Variants in WWC1 observed in about 807,000 individuals in gnomAD.
The protein encoded by WWC1 is protein KIBRA.
A neutral mutation model predicts 138.4 loss-of-function variants in WWC1; 55 were observed. The observed-to-expected ratio is 0.40, with a 90% CI of 0.32 to 0.50. WWC1 has a LOEUF of 0.50. Ranked by LOEUF, WWC1 falls within the 20% of genes least tolerant of loss-of-function variation. WWC1 has a pLI of 0.72. For missense variants in WWC1, 1,226 were observed against 1,420.4 expected (o/e 0.86, Z 2.20); for synonymous variants, 524 against 564.9 (o/e 0.93, Z 1.03).
At chr5:168,403,732 G>A (rs1443749257) in intron 5 of WWC1, among the ~76,000 whole-genome samples, 2 of 152,116 alleles carry the variant, frequency 1.3e-5, no homozygotes, top group Admixed American at 6.5e-5. Context: ...GCCGTGCCCA[G>A]GCAGGAGGTG....
At chr5:168,301,946 G>A (rs1426868878) in intron 1 of WWC1, among the ~76,000 whole-genome samples, 1 of 152,144 alleles carries the variant, frequency 6.6e-6, no homozygotes, top group African/African-American at 2.4e-5. Context: ...CACCTTGGCA[G>A]CACTCATTAT....
intron 17 of WWC1, among the ~76,000 whole-genome samples, chr5:168,448,287 G>T (rs1043069409): frequency 6.6e-6 from 1 of 152,114 alleles, no homozygotes; most frequent in Non-Finnish European, 1.5e-5. Flanking sequence ...AAGGCTGTCC[G>T]TCTGTTCCAA....
At chr5:168,444,667 A>G in intron 17 of WWC1, 82 bp downstream of exon 17, 2 of 1,475,232 alleles carry the variant, frequency 1.4e-6, no homozygotes, top group Non-Finnish European at 9.4e-7. Context: ...TGCCAGTGCA[A>G]CTAAGAGAAG....
At chr5:168,355,804 T>G in intron 1 of WWC1, among the ~76,000 whole-genome samples, 1 of 150,436 alleles carries the variant, frequency 6.6e-6, no homozygotes, top group South Asian at 2.1e-4. Flanking sequence ...GGTAAGGGAG[T>G]GAACAGGAAG....
intron 17 of WWC1, among the ~76,000 whole-genome samples, chr5:168,447,341 G>A (rs1275706978): frequency 6.6e-6 from 1 of 152,094 alleles, no homozygotes; most frequent in Non-Finnish European, 1.5e-5. Flanking sequence ...TTCTGGAGAG[G>A]GCCAGATGGT....
At chr5:168,307,474 T>C (rs2152745698) in intron 1 of WWC1, among the ~76,000 whole-genome samples, 1 of 152,144 alleles carries the variant, frequency 6.6e-6, no homozygotes, top group Non-Finnish European at 1.5e-5. Context: ...TATCCCTCTC[T>C]CCATGAACAA....
chr5:168,331,633 T>C (rs1019870828), intron 1 of WWC1, among the ~76,000 whole-genome samples: 1 of 152,260 alleles, frequency 6.6e-6, no homozygotes, highest in African/African-American at 2.4e-5. Context: ...TTGCTATCGT[T>C]GCTTGCACCA....
chr5:168,403,871 TACACAC>T (rs57788100), intron 5 of WWC1, among the ~76,000 whole-genome samples: 3,066 of 134,394 alleles, frequency 0.023, 92 homozygotes, highest in African/African-American at 0.075. Context: ...AACACATGCA[TACACAC>T]ACACACACAC....
intron 1 of WWC1, among the ~76,000 whole-genome samples, chr5:168,356,319 G>A (rs1775409687): frequency 6.6e-6 from 1 of 152,278 alleles, no homozygotes; most frequent in Non-Finnish European, 1.5e-5. Context: ...GATGCGGCCG[G>A]AGGCCCATGG....
intron 18 of WWC1, 122 bp from the exon 19 acceptor site, chr5:168,455,234 C>A: frequency 1.6e-6 from 2 of 1,262,988 alleles, no homozygotes; most frequent in Middle Eastern, 2.2e-4. Context: ...CCAAGGAAAC[C>A]CTGGTTGTGT....
chr5:168,434,931 A>C (rs1402413736), intron 15 of WWC1, among the ~76,000 whole-genome samples: 1 of 152,100 alleles, frequency 6.6e-6, no homozygotes, highest in East Asian at 1.9e-4. Context: ...TCACTTTGGC[A>C]TACTAACTTG....
At chr5:168,431,867 C>G (rs1010649105) in intron 15 of WWC1, among the ~76,000 whole-genome samples, 1 of 151,934 alleles carries the variant, frequency 6.6e-6, no homozygotes. Context: ...TGCAGGAGTT[C>G]GAAAGCAGCC....
chr5:168,307,067 A>G (rs897150316), intron 1 of WWC1, among the ~76,000 whole-genome samples: 4 of 152,196 alleles, frequency 2.6e-5, no homozygotes, highest in Non-Finnish European at 5.9e-5. Context: ...AATAATTGCT[A>G]ATATTTATTA....
intron 9 of WWC1, among the ~76,000 whole-genome samples, chr5:168,420,961 G>C (rs6865244): frequency 2.0e-5 from 3 of 152,114 alleles, no homozygotes; most frequent in Non-Finnish European, 4.4e-5. Context: ...ACTTTTCCTA[G>C]CCAACTGCTG....
chr5:168,426,312 G>T (rs1411700356), intron 11 of WWC1, among the ~76,000 whole-genome samples: 1 of 152,060 alleles, frequency 6.6e-6, no homozygotes, highest in East Asian at 1.9e-4. Flanking sequence ...CTCTAACAAG[G>T]CTCAAAGAGC....
At chr5:168,336,892 G>T (rs377265103) in intron 1 of WWC1, among the ~76,000 whole-genome samples, 2 of 152,282 alleles carry the variant, frequency 1.3e-5, no homozygotes. Context: ...TATTGCATGT[G>T]GAGAAAGTGG....
In WWC1 at chr5:168,468,981, G is replaced by A; in HGVS notation, c.3306G>A (p.Arg1102=). The A allele has an allele frequency of 6.2e-7, 1 of 1,614,232 alleles. No homozygotes were observed. The highest frequency in any genetic ancestry group is 8.5e-7 in the Non-Finnish European group (1 of 1,180,046). ...AGATGGCATTTTTCACCCGGCCTCG[G>A]ATGAATATCCCAGCTCTCTCTGCAG... The part of the protein sequence containing the change: ...REKMAFFTRP[R]MNIPALSADD... Residue 1102 remains arginine (R), a synonymous_variant, in exon 23 of 23, where the codon CGG becomes CGA. Coordinates refer to ENST00000265293, the MANE Select transcript of WWC1 (RefSeq NM_015238.3).
intron 3 of WWC1, among the ~76,000 whole-genome samples, chr5:168,389,381 A>G (rs990313947): frequency 2.0e-5 from 3 of 150,180 alleles, no homozygotes; most frequent in African/African-American, 7.3e-5. Flanking sequence ...AACCCAGGAG[A>G]CGGAGGTTGC....
intron 1 of WWC1, among the ~76,000 whole-genome samples, chr5:168,342,947 A>C (rs1774164980): frequency 6.6e-6 from 1 of 152,162 alleles, no homozygotes; most frequent in Non-Finnish European, 1.5e-5. Flanking sequence ...GCAGGGAGCA[A>C]GGGGTGTTTC....
Sources: gnomAD v4.1 joint callset for allele counts (sites outside exome capture counted in the v4.1 genomes callset) on GRCh38, gnomAD v4.1.1 for gene constraint, MANE v1.5 for transcripts, NCBI Gene and HGNC (gene_info 2026-07-23, HGNC 2026-07-21) for gene names.